The following BRD10 variants were observed in gnomAD, a reference collection of about 807,000 sequenced individuals.
BRD10 encodes the protein uncharacterized bromodomain-containing protein 10.
At chr9:6,008,377 G>A in the BRD10 span, 14 of 889,480 alleles carry the variant, frequency 1.6e-5, no homozygotes, top group Non-Finnish European at 1.9e-5. Context: ...GGGAGAAAGG[G>A]GAGGGGCAGG....
the BRD10 span, among the ~76,000 whole-genome samples, chr9:5,955,499 G>A: frequency 5.9e-5 from 9 of 152,064 alleles, no homozygotes; most frequent in Non-Finnish European, 1.2e-4. Context: ...CAAGAAATAT[G>A]TCAACTCAAT....
At chr9:5,968,028 G>A in the BRD10 span, 1 of 1,513,176 alleles carries the variant, frequency 6.6e-7, no homozygotes, top group Non-Finnish European at 8.8e-7. Flanking sequence ...CCAGATTTGT[G>A]CTTCTTGTGT....
chr9:5,893,561 G>C, the BRD10 span, among the ~76,000 whole-genome samples: 9 of 152,170 alleles, frequency 5.9e-5, no homozygotes, highest in East Asian at 1.4e-3. Flanking sequence ...TGAGGGCGGC[G>C]GTATCTTCTC....
At chr9:5,881,217 G>A in the BRD10 span, among the ~76,000 whole-genome samples, 5 of 152,292 alleles carry the variant, frequency 3.3e-5, no homozygotes, top group South Asian at 1.0e-3. Context: ...GAAATGAGCA[G>A]GATTTATGGG....
the BRD10 span, chr9:5,944,870 C>T: frequency 2.0e-6 from 3 of 1,488,686 alleles, no homozygotes; most frequent in African/African-American, 1.4e-5. Flanking sequence ...TCAACACCTA[C>T]CGATTTTTTT....
chr9:5,915,448 C>T, the BRD10 span, among the ~76,000 whole-genome samples: 1 of 152,234 alleles, frequency 6.6e-6, no homozygotes, highest in East Asian at 1.9e-4. Flanking sequence ...ACCTTTGCTT[C>T]AAAAGCTTCA....
At chr9:5,950,080 G>C in the BRD10 span, among the ~76,000 whole-genome samples, 4 of 152,174 alleles carry the variant, frequency 2.6e-5, no homozygotes, top group South Asian at 4.1e-4. Flanking sequence ...AGGGATAAAC[G>C]TAAGTTTTCA....
chr9:5,889,393 C>T, the BRD10 span, among the ~76,000 whole-genome samples: 4 of 152,310 alleles, frequency 2.6e-5, no homozygotes, highest in East Asian at 1.9e-4. Context: ...AAGAGTTCAT[C>T]GAATCTTGAA....
the BRD10 span, chr9:5,908,516 G>A: frequency 3.2e-4 from 269 of 829,880 alleles, 1 homozygote; most frequent in East Asian, 6.2e-3. Context: ...GAAATTATAT[G>A]GGAACACTTA....
chr9:5,973,528 G>T, the BRD10 span, among the ~76,000 whole-genome samples: 1 of 152,112 alleles, frequency 6.6e-6, no homozygotes, highest in African/African-American at 2.4e-5. Flanking sequence ...AATAAGCTGG[G>T]AGAAAAATGA....
chr9:5,954,144 C>T, the BRD10 span: 1 of 1,044,282 alleles, frequency 9.6e-7, no homozygotes, highest in Non-Finnish European at 1.4e-6. Flanking sequence ...TATAGCACTT[C>T]ATTAACAAAA....
At chr9:5,960,359 C>T in the BRD10 span, among the ~76,000 whole-genome samples, 3 of 152,128 alleles carry the variant, frequency 2.0e-5, no homozygotes, top group East Asian at 1.9e-4. Context: ...GTCAGGAGTT[C>T]GAGACCAGCC....
At chr9:5,892,667 C>T in the BRD10 span, 6 of 756,796 alleles carry the variant, frequency 7.9e-6, no homozygotes, top group Non-Finnish European at 1.2e-5. Context: ...TCTCCCCAGA[C>T]AGTAACATCC....
the BRD10 span, among the ~76,000 whole-genome samples, chr9:5,949,236 C>G: frequency 1.3e-5 from 2 of 151,818 alleles, no homozygotes; most frequent in Non-Finnish European, 1.5e-5. Flanking sequence ...GTAAAATGAC[C>G]TAAGATGACA....
At chr9:5,920,167 G>C in the BRD10 span, 1 of 1,613,850 alleles carries the variant, frequency 6.2e-7, no homozygotes. Context: ...ATGCTAGTGT[G>C]ATCTTCTGGG....
chr9:6,006,915 C>G, the BRD10 span, among the ~76,000 whole-genome samples: 110 of 152,358 alleles, frequency 7.2e-4, no homozygotes, highest in African/African-American at 2.5e-3. Flanking sequence ...GCAATTCTTC[C>G]TACGGGACCC....
chr9:5,968,833 C>T, the BRD10 span: 1 of 1,613,758 alleles, frequency 6.2e-7, no homozygotes, highest in East Asian at 2.2e-5. Context: ...AAGCATTCTC[C>T]AAATAATCAT....
the BRD10 span, chr9:5,922,931 T>C: frequency 3.1e-6 from 5 of 1,614,018 alleles, no homozygotes; most frequent in Non-Finnish European, 4.2e-6. Flanking sequence ...AGGCAGTTGA[T>C]TTGTTAAGGT....
chr9:5,937,059 G>A, the BRD10 span, among the ~76,000 whole-genome samples: 2 of 151,402 alleles, frequency 1.3e-5, no homozygotes, highest in Admixed American at 6.6e-5. Flanking sequence ...GTGAACCCCT[G>A]TCTCTATTAA....
Sources: gnomAD v4.1 joint callset for allele counts (sites outside exome capture counted in the v4.1 genomes callset) on GRCh38, gnomAD v4.1.1 for gene constraint, MANE v1.5 for transcripts, NCBI Gene and HGNC (gene_info 2026-07-23, HGNC 2026-07-21) for gene names.